Variants in SLC41A2 observed in about 807,000 individuals in gnomAD.
SLC41A2 encodes solute carrier family 41 member 2, also known as SLC41A1-like 1.
SLC41A2 carries 32 observed loss-of-function variants against 58.3 expected under a neutral mutation model. The ratio of observed to expected loss-of-function variants is 0.55; its 90% confidence interval spans 0.41 to 0.74. SLC41A2 has a LOEUF of 0.74. Ranked by LOEUF, SLC41A2 falls within the 30% of genes least tolerant of loss-of-function variation. The pLI, the probability that SLC41A2 is intolerant of heterozygous loss-of-function variation, is 0.00. For synonymous variants in SLC41A2, 190 were observed against 235.0 expected (o/e 0.81, Z 1.75); for missense variants, 514 against 680.6 (o/e 0.76, Z 2.72).
intron 2 of SLC41A2, among the ~76,000 whole-genome samples, chr12:104,923,585 GA>G (rs1313554778): frequency 6.6e-6 from 1 of 151,664 alleles, no homozygotes; most frequent in South Asian, 2.1e-4. Context: ...GCTAGACTAT[GA>G]AAAAAAGAGA....
intron 10 of SLC41A2, chr12:104,834,039 C>T (rs2042127835): frequency 1.0e-6 from 1 of 985,400 alleles, no homozygotes; most frequent in African/African-American, 1.7e-5. Flanking sequence ...GTTCTACCTT[C>T]ACCTTTATCA....
At chr12:104,857,705 G>A (rs961744530) in intron 8 of SLC41A2, among the ~76,000 whole-genome samples, 2 of 151,976 alleles carry the variant, frequency 1.3e-5, no homozygotes, top group African/African-American at 4.8e-5. Flanking sequence ...GTCCTTTGTA[G>A]GGACATGGAT....
intron 1 of SLC41A2, among the ~76,000 whole-genome samples, chr12:104,933,590 C>A (rs1593169074): frequency 8.0e-6 from 1 of 124,778 alleles, no homozygotes; most frequent in Non-Finnish European, 1.6e-5. Flanking sequence ...GTATGTTTAT[C>A]TGTTTATTAC....
chr12:104,893,297 C>A (rs570050333), intron 4 of SLC41A2, among the ~76,000 whole-genome samples: 2 of 152,144 alleles, frequency 1.3e-5, no homozygotes, highest in Non-Finnish European at 2.9e-5. Context: ...ATCAAAACTA[C>A]AATGAGATAT....
At chr12:104,856,370 A>G (rs926005209) in intron 8 of SLC41A2, among the ~76,000 whole-genome samples, 2 of 152,194 alleles carry the variant, frequency 1.3e-5, no homozygotes, top group Admixed American at 6.5e-5. Flanking sequence ...AAGTTATTGG[A>G]TAAAGTAATT....
At position 104,886,321 on chromosome 12, in the gene SLC41A2, C is replaced by A. The variant is rs376206657; in HGVS notation, c.999G>T (p.Trp333Cys). The change falls in exon 6 of 11, where the codon TGG (tryptophan) becomes TGT (cysteine). Residue 333 changes from tryptophan to cysteine, a missense_variant. By Grantham distance (215) the Trp-to-Cys change is radical. Transcript: ENST00000258538. ...GACAGGAGTATAAGCCCTGACTTAT[C>A]CAAGCCAATATGGCAAGAGTTATAA... The part of the protein sequence containing the change: ...GDLITLAILA[W>C]ISQGLYSCLE... The A allele has an allele frequency of 6.2e-7, 1 of 1,613,578 alleles. No individual in the cohort carries two copies. Among genetic ancestry groups the A allele is most frequent in the South Asian group, 1.1e-5 (1 of 91,030 alleles).
At chr12:104,950,788 TG>T (rs1275393426) in intron 1 of SLC41A2, among the ~76,000 whole-genome samples, 2 of 152,194 alleles carry the variant, frequency 1.3e-5, no homozygotes, top group Non-Finnish European at 2.9e-5. Context: ...TTCCACCCAC[TG>T]GGTCCCCATA....
chr12:104,853,911 ATTTTTTTTTT>A (rs1555202443), intron 8 of SLC41A2, among the ~76,000 whole-genome samples: 1 of 59,498 alleles, frequency 1.7e-5, no homozygotes, highest in East Asian at 4.4e-4. Flanking sequence ...TGCCTGGCTG[ATTTTTTTTTT>A]TTTTTTTTTT....
intron 1 of SLC41A2, among the ~76,000 whole-genome samples, chr12:104,941,330 A>G (rs902804307): frequency 1.3e-5 from 2 of 152,208 alleles, no homozygotes; most frequent in East Asian, 1.9e-4. Flanking sequence ...AAGTTTCTAC[A>G]TGACTAAACA....
At position 104,928,098 on chromosome 12, in the gene SLC41A2, T is replaced by C. The variant is rs1407925125; in HGVS notation, c.430A>G (p.Ile144Val). The C allele has an allele frequency of 6.2e-6, 10 of 1,614,098 alleles. No individual in the cohort carries two copies. In the Admixed American group the frequency reaches 8.3e-5, roughly 13 times the overall value. The stretch of plus-strand genomic sequence containing the variant: ...GGTAATTTTGGGGTCACTTCTACAA[T>C]AGCATCTTCATCACCATCACTAGAT... ...DISSDGDEDAIVEVTPKLPKE... is the reference protein window; with the variant it reads ...DISSDGDEDAVVEVTPKLPKE... The change falls in exon 2 of 11, where the codon ATT (isoleucine) becomes GTT (valine). Residue 144 changes from isoleucine to valine, a missense_variant. Coordinates refer to ENST00000258538, the MANE Select transcript of SLC41A2 (RefSeq NM_001352171.3).
intron 7 of SLC41A2, among the ~76,000 whole-genome samples, chr12:104,865,039 T>G (rs1421026918): frequency 6.6e-6 from 1 of 152,146 alleles, no homozygotes; most frequent in Non-Finnish European, 1.5e-5. Context: ...GGGCAGAGTT[T>G]GTCAGCAAGT....
intron 6 of SLC41A2, among the ~76,000 whole-genome samples, chr12:104,879,851 A>G (rs138495612): frequency 6.6e-6 from 1 of 152,246 alleles, no homozygotes; most frequent in East Asian, 1.9e-4. Context: ...TGGTAGCTTG[A>G]TGGGAATGGC....
intron 10 of SLC41A2, among the ~76,000 whole-genome samples, chr12:104,806,527 A>G (rs1378010713): frequency 6.6e-6 from 1 of 152,170 alleles, no homozygotes; most frequent in Non-Finnish European, 1.5e-5. Context: ...ATAAACATAC[A>G]TGTGCATGTG....
chr12:104,833,973 C>A, intron 10 of SLC41A2: 2 of 969,442 alleles, frequency 2.1e-6, no homozygotes, highest in Non-Finnish European at 2.5e-6. Context: ...GGATTCAGAG[C>A]ACAGGAAGCA....
Position 104,929,164 on chromosome 12 carries a change from T to C in SLC41A2, c.-167-470A>G, listed in dbSNP as rs1165108542. Among the ~76,000 whole-genome samples the C allele has an allele frequency of 2.0e-5, 3 of 152,130 alleles. No homozygotes were observed. In the East Asian group the frequency reaches 5.8e-4, roughly 29 times the overall value. ...ACTTTATTTACAACTTAATATAATATACATTTTATTATTAAGATATGAAGA... is the reference window on the plus strand; with the variant it reads ...ACTTTATTTACAACTTAATATAATACACATTTTATTATTAAGATATGAAGA... On this transcript the variant is annotated intron_variant, in intron 1 of 10. Transcript: ENST00000258538.
intron 6 of SLC41A2, among the ~76,000 whole-genome samples, chr12:104,873,296 G>A (rs148635840): frequency 3.3e-3 from 509 of 151,994 alleles, no homozygotes; most frequent in Non-Finnish European, 5.6e-3. Context: ...TTACTTCTGT[G>A]TCTGGCTTAT....
chr12:104,922,438 T>C (rs1331119382), intron 2 of SLC41A2, among the ~76,000 whole-genome samples: 1 of 151,766 alleles, frequency 6.6e-6, no homozygotes, highest in Non-Finnish European at 1.5e-5. Flanking sequence ...CACTATATAA[T>C]GATAAAGGGG....
rs1160597828 is a variant in SLC41A2 at position 104,927,822 on chromosome 12, A to G, written c.555+151T>C. ...AAGAAAAACTCCCACCTAGAAATAG[A>G]TTCTCTCCCAGAGTCAGCATCTGTT... On this transcript the variant is annotated intron_variant, in intron 2 of 10. Coordinates refer to ENST00000258538, the MANE Select transcript of SLC41A2 (RefSeq NM_001352171.3). The G allele has an allele frequency of 2.5e-5, 16 of 640,968 alleles. No individual in the cohort carries two copies. The East Asian group carries it at 2.8e-4, about 11-fold the overall frequency. 39.7% of individuals were successfully genotyped at this position (640,968 alleles called of 1,614,324 possible).
intron 10 of SLC41A2, among the ~76,000 whole-genome samples, chr12:104,824,077 TGAAGG>T (rs1033989775): frequency 1.3e-5 from 2 of 152,088 alleles, no homozygotes; most frequent in East Asian, 1.9e-4. Context: ...AGGGAAGTGC[TGAAGG>T]GAAGGGAAGT....
Sources: allele counts gnomAD v4.1 joint callset (sites outside exome capture counted in the v4.1 genomes callset), GRCh38; gene constraint gnomAD v4.1.1; transcripts MANE v1.5; gene names NCBI Gene and HGNC (gene_info 2026-07-23, HGNC 2026-07-21).